The following MSRA variants were observed in gnomAD, a reference collection of about 807,000 sequenced individuals.
MSRA encodes methionine sulfoxide reductase A, also known as mitochondrial peptide methionine sulfoxide reductase.
MSRA carries 54 observed loss-of-function variants against 31.3 expected under a neutral mutation model. That is an observed-to-expected ratio of 1.73 (90% CI 1.39 to 2.17). MSRA has a LOEUF of 2.17. Ranked by LOEUF, MSRA falls within the 30% of genes most tolerant of loss-of-function variation. The pLI, the probability that MSRA is intolerant of heterozygous loss-of-function variation, is 0.00. For synonymous variants in MSRA, 169 were observed against 116.5 expected, an observed-to-expected ratio of 1.45 and a Z score of -2.90; for missense variants, 507 against 300.9, an observed-to-expected ratio of 1.69 and a Z score of -5.07.
At chr8:10,313,545 A>G (rs1024717554) in intron 4 of MSRA, among the ~76,000 whole-genome samples, 15 of 152,188 alleles carry the variant, frequency 9.9e-5, no homozygotes, top group African/African-American at 3.6e-4. Context: ...GGAAGATCTA[A>G]TATTGGGTCT....
chr8:10,273,581 T>C (rs1214615509), intron 3 of MSRA, among the ~76,000 whole-genome samples: 1 of 152,212 alleles, frequency 6.6e-6, no homozygotes, highest in Non-Finnish European at 1.5e-5. Context: ...ATTATTAATA[T>C]CACAATTATC....
intron 5 of MSRA, among the ~76,000 whole-genome samples, chr8:10,343,142 A>C (rs980902963): frequency 6.6e-6 from 1 of 152,116 alleles, no homozygotes; most frequent in Admixed American, 6.5e-5. Context: ...TACTTCTAGA[A>C]ATCATGACCA....
At chr8:10,175,926 A>G (rs1402105537) in intron 1 of MSRA, among the ~76,000 whole-genome samples, 4 of 152,224 alleles carry the variant, frequency 2.6e-5, no homozygotes, top group African/African-American at 9.6e-5. Context: ...GCAGAATGGG[A>G]TAAGGCAGCA....
intron 1 of MSRA, among the ~76,000 whole-genome samples, chr8:10,100,421 C>T (rs1216718088): frequency 6.6e-6 from 1 of 151,996 alleles, no homozygotes; most frequent in East Asian, 1.9e-4. Flanking sequence ...TTGTGGAGGT[C>T]CTGGGGTGCA....
chr8:10,135,322 C>A (rs918292388), intron 1 of MSRA, among the ~76,000 whole-genome samples: 34 of 152,312 alleles, frequency 2.2e-4, no homozygotes, highest in African/African-American at 8.2e-4. Context: ...AAACCTAAAT[C>A]TCTAAGGTGA....
chr8:10,225,794 T>G (rs1177387012), intron 2 of MSRA, among the ~76,000 whole-genome samples: 3 of 152,102 alleles, frequency 2.0e-5, no homozygotes, highest in Admixed American at 2.0e-4. Context: ...AGGGTGCAGG[T>G]GCTAGGTGAA....
chr8:10,356,153 G>T (rs1330621182), intron 5 of MSRA, among the ~76,000 whole-genome samples: 1 of 152,200 alleles, frequency 6.6e-6, no homozygotes, highest in Non-Finnish European at 1.5e-5. Flanking sequence ...GCTGGTAACG[G>T]TAGTTGGCAG....
chr8:10,080,357 C>G (rs901785467), intron 1 of MSRA, among the ~76,000 whole-genome samples: 1 of 151,362 alleles, frequency 6.6e-6, no homozygotes, highest in Non-Finnish European at 1.5e-5. Context: ...AGAGACCAAC[C>G]CTGTTTTCAC....
chr8:10,397,259 A>G (rs1268961741), intron 5 of MSRA, among the ~76,000 whole-genome samples: 1 of 152,198 alleles, frequency 6.6e-6, no homozygotes, highest in Non-Finnish European at 1.5e-5. Context: ...ACCAGTGCGC[A>G]AATATTTAAG....
At chr8:10,390,374 T>C (rs961848878) in intron 5 of MSRA, among the ~76,000 whole-genome samples, 1 of 152,086 alleles carries the variant, frequency 6.6e-6, no homozygotes, top group African/African-American at 2.4e-5. Flanking sequence ...TGGAGTCGCG[T>C]GGTCGCCAGT....
At chr8:10,066,717 T>G (rs1374874425) in intron 1 of MSRA, among the ~76,000 whole-genome samples, 1 of 152,028 alleles carries the variant, frequency 6.6e-6, no homozygotes, top group Non-Finnish European at 1.5e-5. Context: ...GTATTTTTAG[T>G]AGAGACTGGT....
chr8:10,118,746 C>T (rs557923546), intron 1 of MSRA, among the ~76,000 whole-genome samples: 31 of 152,308 alleles, frequency 2.0e-4, no homozygotes, highest in Admixed American at 1.4e-3. Context: ...GACTTCTACA[C>T]GTCCCTCAAA....
intron 5 of MSRA, among the ~76,000 whole-genome samples, chr8:10,366,072 T>G (rs1381738211): frequency 2.0e-5 from 3 of 152,194 alleles, no homozygotes; most frequent in Admixed American, 2.0e-4. Flanking sequence ...TGGGGACACC[T>G]GGGGGCCTGT....
At chr8:10,335,727 G>A (rs1002745655) in intron 5 of MSRA, among the ~76,000 whole-genome samples, 2 of 152,178 alleles carry the variant, frequency 1.3e-5, no homozygotes, top group Non-Finnish European at 2.9e-5. Context: ...CCCAGAGGGA[G>A]GGCACCCACT....
At chr8:10,290,723 C>T (rs1436756635) in intron 3 of MSRA, among the ~76,000 whole-genome samples, 1 of 152,198 alleles carries the variant, frequency 6.6e-6, no homozygotes, top group African/African-American at 2.4e-5. Context: ...CACACACAGA[C>T]CTCTTTTTAA....
chr8:10,224,971 C>G (rs1045021921), intron 2 of MSRA, among the ~76,000 whole-genome samples: 1 of 152,178 alleles, frequency 6.6e-6, no homozygotes, highest in Non-Finnish European at 1.5e-5. Flanking sequence ...AAACCCATCT[C>G]TACTATAAAT....
chr8:10,386,472 C>G (rs1806399342), intron 5 of MSRA, among the ~76,000 whole-genome samples: 1 of 152,144 alleles, frequency 6.6e-6, no homozygotes, highest in Admixed American at 6.5e-5. Context: ...ACAAAGCAGT[C>G]TAACAACAGA....
chr8:10,111,494 C>T lies in MSRA; in HGVS notation c.142+56836C>T, dbSNP rs1024340698. Among the ~76,000 whole-genome samples, 9 of 152,126 alleles carry T rather than the reference C, an allele frequency of 5.9e-5. No individual in the cohort carries two copies. The South Asian group carries it at 6.2e-4, about 10-fold the overall frequency. ...CATTTATGATTTGTCGATCTTTTCCCTTCTTCACTCCTGCAGTAAGGGAAT... is the reference window on the plus strand; with the variant it reads ...CATTTATGATTTGTCGATCTTTTCCTTTCTTCACTCCTGCAGTAAGGGAAT... On this transcript the variant is annotated intron_variant, in intron 1 of 5. Coordinates refer to ENST00000317173, the MANE Select transcript of MSRA (RefSeq NM_012331.5).
At chr8:10,281,127 T>A (rs748775027) in intron 3 of MSRA, among the ~76,000 whole-genome samples, 1 of 152,238 alleles carries the variant, frequency 6.6e-6, no homozygotes, top group Non-Finnish European at 1.5e-5. Flanking sequence ...CACTGAGTTA[T>A]ATTTAAATAG....
Sources: allele counts gnomAD v4.1 joint callset (sites outside exome capture counted in the v4.1 genomes callset), GRCh38; gene constraint gnomAD v4.1.1; transcripts MANE v1.5; gene names NCBI Gene and HGNC (gene_info 2026-07-23, HGNC 2026-07-21).